The following MAP4 variants were observed in gnomAD, a reference collection of about 807,000 sequenced individuals.
MAP4 encodes microtubule associated protein 4, also known as microtubule-associated protein 4.
Under a neutral mutation model 170.2 loss-of-function variants are expected in MAP4, and 76 were observed. The ratio of observed to expected loss-of-function variants is 0.45; its 90% CI spans 0.37 to 0.54. The LOEUF is 0.54. Ranked by LOEUF, MAP4 falls within the 20% of genes least tolerant of loss-of-function variation. The pLI is 0.00. For missense variants in MAP4, 2,506 were observed against 2,748.0 expected, an observed-to-expected ratio of 0.91 and a Z score of 1.97; for synonymous variants, 909 against 994.5, an observed-to-expected ratio of 0.91 and a Z score of 1.62.
chr3:47,999,255 A>G (rs2100097903), intron 1 of MAP4, among the ~76,000 whole-genome samples: 1 of 152,214 alleles, frequency 6.6e-6, no homozygotes, highest in Non-Finnish European at 1.5e-5. Flanking sequence ...TTACATTACT[A>G]TCGGACAAAT....
intron 5 of MAP4, 40 bp downstream of exon 5, chr3:47,921,725 T>G: frequency 7.9e-7 from 1 of 1,267,526 alleles, no homozygotes; most frequent in Non-Finnish European, 1.1e-6. Flanking sequence ...AAAAATTTTT[T>G]TCCTTCCCTA....
At chr3:47,882,140 G>A (rs1176008581) in intron 10 of MAP4, among the ~76,000 whole-genome samples, 2 of 152,096 alleles carry the variant, frequency 1.3e-5, no homozygotes, top group Non-Finnish European at 2.9e-5. Context: ...TTAGCCGGGC[G>A]TTGTGGTGGG....
intron 3 of MAP4, among the ~76,000 whole-genome samples, chr3:47,944,274 C>T (rs540047354): frequency 1.3e-5 from 2 of 152,176 alleles, no homozygotes; most frequent in South Asian, 2.1e-4. Flanking sequence ...CACGTCACTG[C>T]ACTCCAGCCT....
chr3:47,910,851 C>A lies in MAP4; in HGVS notation c.3570G>T (p.Lys1190Asn). ...VKDMGVNNQS[K>N]EGRCPWKDHE... The stretch of plus-strand genomic sequence containing the variant: ...GATCCTTCCATGGACACCTTCCTTC[C>A]TTGCTCTGGTTATTGACACCCATAT... The change falls in exon 9 of 21, where the codon AAG (lysine) becomes AAT (asparagine). Residue 1190 changes from lysine (K) to asparagine (N), a missense_variant. By Grantham distance (94) the Lys-to-Asn change is moderately conservative. Transcript: ENST00000683076. The A allele has an allele frequency of 1.3e-6, 2 of 1,536,120 alleles. No homozygotes were observed. The highest frequency in any genetic ancestry group is 1.7e-6 in the Non-Finnish European group (2 of 1,146,900).
intron 10 of MAP4, among the ~76,000 whole-genome samples, chr3:47,884,698 C>T (rs764824426): frequency 5.3e-5 from 8 of 152,158 alleles, no homozygotes; most frequent in Non-Finnish European, 1.2e-4. Flanking sequence ...TTCCTCTGGA[C>T]TGCTCTCTGG....
At position 48,039,053 on chromosome 3, in the gene MAP4, G is replaced by A. The variant is rs181253352; in HGVS notation, c.-19-40174C>T. Reference sequence around the variant, plus strand: ...GGGGAGGTAAAGGCTGCAGTGAGCCGAGATCATACCACTGCACTCCAGCCT... The same window carrying A: ...GGGGAGGTAAAGGCTGCAGTGAGCCAAGATCATACCACTGCACTCCAGCCT... On this transcript the variant is annotated intron_variant, in intron 1 of 18. Coordinates refer to the MAP4 transcript ENST00000360240. Among the ~76,000 whole-genome samples, 179 of 152,006 alleles carry A rather than the reference G, an allele frequency of 1.2e-3. 1 individual carries two copies. In the Middle Eastern group the frequency reaches 0.017, roughly 14 times the overall value.
intron 1 of MAP4, among the ~76,000 whole-genome samples, chr3:48,040,619 A>G (rs1224990715): frequency 6.6e-6 from 1 of 151,880 alleles, no homozygotes; most frequent in East Asian, 1.9e-4. Flanking sequence ...GCTGGAGTGC[A>G]GTGCCGCAAC....
rs76992745 is a variant in MAP4 at position 47,957,750 on chromosome 3, T to G, written c.292+20115A>C. On this transcript the variant is annotated intron_variant, in intron 3 of 20. Coordinates refer to ENST00000683076, the MANE Select transcript of MAP4 (RefSeq NM_001385682.1). ...GGCCTAATTAAAATAGGGAATTGAT[T>G]ACTGAAGACTAAGTTACAGTTTCAG... 8.9e-3 allele frequency among the ~76,000 whole-genome samples: 1,356 copies of G among 152,290 alleles called. 11 individuals are homozygous for G. The highest frequency in any genetic ancestry group is 0.019 in the East Asian group (97 of 5,184).
At chr3:47,967,759 C>CA (rs2100075943) in intron 3 of MAP4, among the ~76,000 whole-genome samples, 1 of 152,176 alleles carries the variant, frequency 6.6e-6, no homozygotes, top group Non-Finnish European at 1.5e-5. Flanking sequence ...GCAAAGAGTT[C>CA]AAGCCCATCC....
chr3:48,058,305 C>T (rs987679412), intron 1 of MAP4, among the ~76,000 whole-genome samples: 3 of 152,176 alleles, frequency 2.0e-5, no homozygotes, highest in Non-Finnish European at 4.4e-5. Context: ...AGTAGGCCGG[C>T]TGGCCAGCCT....
rs1471830610 is a variant in MAP4 at position 47,881,128 on chromosome 3, T to TAAAGAA, written c.5435-3606_5435-3605insTTCTTT. On this transcript the variant is annotated intron_variant, in intron 10 of 20. Transcript: ENST00000683076. ...GATCAATCTTAGTGGGATTGATCCT[T>TAAAGAA]TATTCTTTTCTCCGACATCTACTTT... 3.3e-5 allele frequency among the ~76,000 whole-genome samples: 5 copies of TAAAGAA among 152,156 alleles called. No homozygotes were observed. The East Asian group carries it at 9.7e-4, about 29-fold the overall frequency.
chr3:47,906,070 T>C (rs2100032822), intron 9 of MAP4, among the ~76,000 whole-genome samples: 1 of 141,218 alleles, frequency 7.1e-6, no homozygotes, highest in South Asian at 2.2e-4. Context: ...ACCGATTAGA[T>C]CAGTACACAT....
At chr3:47,912,447 C>T (rs560973365) in intron 8 of MAP4, 26 bp from the exon 9 acceptor site, 4 of 1,443,760 alleles carry the variant, frequency 2.8e-6, no homozygotes, top group Admixed American at 2.8e-5. Context: ...AAAAACTCCT[C>T]GTTATTGTTT....
At chr3:47,856,860 G>A (rs1369105223) in intron 18 of MAP4, among the ~76,000 whole-genome samples, 1 of 152,232 alleles carries the variant, frequency 6.6e-6, no homozygotes, top group African/African-American at 2.4e-5. Context: ...CAGGAACTAG[G>A]ACACGAGGCT....
intron 1 of MAP4, among the ~76,000 whole-genome samples, chr3:48,015,893 C>T (rs1196206446): frequency 1.3e-5 from 2 of 152,324 alleles, no homozygotes; most frequent in Admixed American, 6.5e-5. Flanking sequence ...CAACAGACAA[C>T]TGAGGAAGAT....
chr3:47,863,937 T>TGTGGGGGGGGGGGG (rs374208589), intron 17 of MAP4, among the ~76,000 whole-genome samples: 3 of 138,350 alleles, frequency 2.2e-5, no homozygotes, highest in East Asian at 2.1e-4. Context: ...TGTGTGTGTG[T>TGTGGGGGGGGGGGG]GGGGAGTGGT....
At chr3:47,978,646 C>G (rs2100083597) in intron 2 of MAP4, among the ~76,000 whole-genome samples, 2 of 151,998 alleles carry the variant, frequency 1.3e-5, no homozygotes, top group South Asian at 4.2e-4. Flanking sequence ...TATTAATTCC[C>G]ACACAGGAAA....
chr3:48,029,020 C>T (rs546975821), intron 1 of MAP4, among the ~76,000 whole-genome samples: 10 of 151,518 alleles, frequency 6.6e-5, no homozygotes, highest in South Asian at 2.1e-4. Flanking sequence ...GTGGCACACA[C>T]CTGTAGTCCC....
chr3:47,961,932 A>G (rs899559505), intron 3 of MAP4, among the ~76,000 whole-genome samples: 5 of 152,126 alleles, frequency 3.3e-5, no homozygotes, highest in African/African-American at 1.2e-4. Flanking sequence ...TTCCTGTCGC[A>G]CCCTGCTGAT....
Sources: gnomAD v4.1 joint callset for allele counts (sites outside exome capture counted in the v4.1 genomes callset) on GRCh38, gnomAD v4.1.1 for gene constraint, MANE v1.5 for transcripts, NCBI Gene and HGNC (gene_info 2026-07-23, HGNC 2026-07-21) for gene names.